IFT122: variants seen among roughly 807,000 people sequenced by gnomAD.
IFT122 encodes intraflagellar transport 122.
IFT122 carries 118 observed loss-of-function variants against 161.6 expected under a neutral mutation model. The ratio of observed to expected loss-of-function variants is 0.73; its 90% CI spans 0.63 to 0.85. IFT122 has a LOEUF of 0.85. Among genes scored for constraint, IFT122 ranks in the 40% least tolerant of loss-of-function variants. IFT122 has a pLI of 0.00. For missense variants in IFT122, 1,381 were observed against 1,579.6 expected, an observed-to-expected ratio of 0.87 and a Z score of 2.13; for synonymous variants, 550 against 602.4, an observed-to-expected ratio of 0.91 and a Z score of 1.27.
rs1361221483 is a variant in IFT122, at chr3:129,519,104, C to T, written c.3392-3C>T. On this transcript the variant is annotated splice_region_variant and splice_polypyrimidine_tract_variant and intron_variant, in intron 27 of 29. Coordinates refer to ENST00000348417, the MANE Select transcript of IFT122 (RefSeq NM_052989.3). ...GATTCCATCCTTGACCAGATCCCTC[C>T]AGGCTCCCAGATTCTGCGGCTAGTG... 6.2e-7 allele frequency: 1 copy of T among 1,613,694 alleles called. No homozygotes were observed. Among genetic ancestry groups the T allele is most frequent in the Middle Eastern group, 1.7e-4 (1 of 6,060 alleles).
At chr3:129,513,204 T>C (rs1224537417) in intron 24 of IFT122, 1 of 152,368 alleles carries the variant, frequency 6.6e-6, no homozygotes. Flanking sequence ...GAAGGGCCTG[T>C]GCAGCCAGAT....
At position 129,444,831 on chromosome 3, in the gene IFT122, C is replaced by T. The variant is rs554439910; in HGVS notation, c.41+4460C>T. Reference sequence around the variant, plus strand: ...CACCATGTCTGGCCAAGTTTACACTCTTTAACAATTCTTAAATATTGAATA... The same window carrying T: ...CACCATGTCTGGCCAAGTTTACACTTTTTAACAATTCTTAAATATTGAATA... On this transcript the variant is annotated intron_variant, in intron 1 of 29. Transcript: ENST00000348417. Among the ~76,000 whole-genome samples, 23 of 152,312 alleles carry T rather than the reference C, an allele frequency of 1.5e-4. No homozygotes were observed. In the East Asian group the frequency reaches 4.4e-3, roughly 29 times the overall value.
chr3:129,460,267 C>T (rs2076079064), intron 4 of IFT122, among the ~76,000 whole-genome samples: 2 of 152,162 alleles, frequency 1.3e-5, no homozygotes, highest in South Asian at 4.1e-4. Context: ...TTCTGTCTCT[C>T]TGAGTTTGAC....
At chr3:129,448,728 G>A (rs1323064788) in intron 1 of IFT122, among the ~76,000 whole-genome samples, 3 of 150,422 alleles carry the variant, frequency 2.0e-5, no homozygotes, top group Non-Finnish European at 4.4e-5. Flanking sequence ...GTCTTCCTCC[G>A]TCGCCCAGAC....
rs1578129875 is a variant in IFT122, at chr3:129,512,366, C to T, written c.2941C>T (p.Leu981=). Residue 981 remains leucine (L), a synonymous_variant, in exon 24 of 30, where the codon CTG becomes TTG. Transcript: ENST00000348417. The part of the protein sequence containing the change: ...PETLFNISRF[L]LHSLPKDTPS... ...AACTCTTTTCAACATCTCCAGGTTC[C>T]TGCTGCACAGCCTGCCCAAGGACAC... The T allele has an allele frequency of 2.5e-6, 4 of 1,614,046 alleles. No individual in the cohort carries two copies. The highest frequency in any genetic ancestry group is 1.7e-5 in the Admixed American group (1 of 60,010).
At chr3:129,463,726 T>A (rs958600908) in intron 6 of IFT122, 100 bp downstream of exon 6, 3 of 960,710 alleles carry the variant, frequency 3.1e-6, no homozygotes, top group Non-Finnish European at 5.0e-6. Context: ...TTGTGTTAGG[T>A]AGTTGGTTTA....
intron 26 of IFT122, among the ~76,000 whole-genome samples, chr3:129,516,255 G>C (rs1422549592): frequency 1.1e-5 from 1 of 95,106 alleles, no homozygotes; most frequent in Non-Finnish European, 2.0e-5. Context: ...TGCACACACA[G>C]ACTGCCCCTA....
At chr3:129,440,465 T>C in intron 1 of IFT122, 94 bp downstream of exon 1, 2 of 1,440,390 alleles carry the variant, frequency 1.4e-6, no homozygotes, top group African/African-American at 1.4e-5. Context: ...GCAGCGGGCT[T>C]GCTGCCTGGG....
chr3:129,458,774 C>A, intron 4 of IFT122, 97 bp downstream of exon 4: 1 of 914,156 alleles, frequency 1.1e-6, no homozygotes. Context: ...ACTTTTTTCT[C>A]TTAAATTGAA....
rs1559972784 is a variant in IFT122 at position 129,500,066 on chromosome 3, C to G, written c.2373C>G (p.Asp791Glu). Residue 791 changes from aspartate (D) to glutamate (E), a missense_variant and splice_region_variant, in exon 19 of 30, where the codon GAC becomes GAG. This residue lies in a region of IFT122 where 496 missense variants were observed against 502.5 expected (regional missense o/e 0.99). Coordinates refer to ENST00000348417, the MANE Select transcript of IFT122 (RefSeq NM_052989.3). The part of the protein sequence containing the change: ...IEICGDHGWV[D>E]MLIDIARKLD... Reference sequence around the variant, plus strand: ...TCTGTGGTGACCATGGCTGGGTTGACATGTAGGTTTTGGTCCCTGCCCCGA... The same window carrying G: ...TCTGTGGTGACCATGGCTGGGTTGAGATGTAGGTTTTGGTCCCTGCCCCGA... The G allele has an allele frequency of 6.2e-7, 1 of 1,614,148 alleles. No individual in the cohort carries two copies. The highest frequency in any genetic ancestry group is 8.5e-7 in the Non-Finnish European group (1 of 1,180,026).
rs79187669 is a variant in IFT122, at chr3:129,476,680, C to T, written c.1026C>T (p.Asp342=). Residue 342 remains aspartate, a synonymous_variant, in exon 11 of 30, where the codon GAC becomes GAT. Coordinates refer to ENST00000348417, the MANE Select transcript of IFT122 (RefSeq NM_052989.3). ...CCCCGCAGGTGGTCGGCTGCCAGGA[C>T]GGCACCATTTCCTTCTACCAGCTTA... The part of the protein sequence containing the change: ...DSNYVVVGCQ[D]GTISFYQLIF... The T allele has an allele frequency of 7.6e-4, 1,220 of 1,614,210 alleles. 4 individuals are homozygous for T. In the East Asian group the frequency reaches 7.9e-3, roughly 10 times the overall value.
At position 129,517,521 on chromosome 3, in the gene IFT122, A is replaced by G; in HGVS notation, c.3318A>G (p.Glu1106=). The G allele has an allele frequency of 4.3e-6, 7 of 1,614,024 alleles. No individual in the cohort carries two copies. The highest frequency in any genetic ancestry group is 1.3e-5 in the African/African-American group (1 of 75,046). The change falls in exon 27 of 30, where the codon GAA becomes GAG. Residue 1106 remains glutamate, a synonymous_variant. Coordinates refer to ENST00000348417, the MANE Select transcript of IFT122 (RefSeq NM_052989.3). ...FYLEEGITDE[E]AISLIDLEVL... Reference sequence around the variant, plus strand: ...TGGAGGAAGGGATCACTGATGAAGAAGCCATCTCCCTCATCGACCTGGAGG... The same window carrying G: ...TGGAGGAAGGGATCACTGATGAAGAGGCCATCTCCCTCATCGACCTGGAGG...
chr3:129,475,122 G>A (rs1308608906), intron 9 of IFT122, among the ~76,000 whole-genome samples: 2 of 152,188 alleles, frequency 1.3e-5, no homozygotes, highest in Non-Finnish European at 2.9e-5. Flanking sequence ...TCATACGACT[G>A]CATTCCAGCC....
intron 23 of IFT122, among the ~76,000 whole-genome samples, chr3:129,508,672 C>T (rs1280742322): frequency 6.6e-6 from 1 of 152,180 alleles, no homozygotes; most frequent in Non-Finnish European, 1.5e-5. Context: ...GCATAAAAAT[C>T]CATACTTTGG....
Position 129,465,107 on chromosome 3 carries a change from GTA to G in IFT122, c.563+330_563+331del, listed in dbSNP as rs2076576805. Among the ~76,000 whole-genome samples, 4 of 133,694 alleles carry G rather than the reference GTA, an allele frequency of 3.0e-5. No homozygotes were observed. The South Asian group carries it at 7.4e-4, about 25-fold the overall frequency. 87.7% of individuals were successfully genotyped at this position (133,694 alleles called of 152,430 possible). On this transcript the variant is annotated intron_variant, in intron 7 of 29. Transcript: ENST00000348417. ...CATGCACACATGTGTACGTGTACAT[GTA>G]TATGAGTGTGTGTGTGTGTGTGTGT...
At chr3:129,486,422 C>T (rs2079289647) in intron 15 of IFT122, among the ~76,000 whole-genome samples, 1 of 152,228 alleles carries the variant, frequency 6.6e-6, no homozygotes, top group Non-Finnish European at 1.5e-5. Flanking sequence ...ATTATTATTT[C>T]TCCTTATTAC....
chr3:129,502,900 C>A lies in IFT122; in HGVS notation c.2547+18C>A. The A allele has an allele frequency of 1.9e-6, 3 of 1,605,942 alleles. No individual in the cohort carries two copies. Among genetic ancestry groups the A allele is most frequent in the Non-Finnish European group, 2.5e-6 (3 of 1,179,846 alleles). ...GGGATGAGGTGAGGGGAAAGCAGGC[C>A]TCATGGGCTGGGGCCCCACCTGAGC... On this transcript the variant is annotated intron_variant, in intron 20 of 29. Transcript: ENST00000348417.
intron 7 of IFT122, among the ~76,000 whole-genome samples, chr3:129,466,495 CTTTTTTTTT>C (rs527470540): frequency 9.8e-6 from 1 of 102,180 alleles, no homozygotes; most frequent in African/African-American, 3.7e-5. Flanking sequence ...TATTTTTATT[CTTTTTTTTT>C]TTTTTTTTTT....
At chr3:129,506,988 G>A (rs1054095850) in intron 22 of IFT122, among the ~76,000 whole-genome samples, 5 of 152,228 alleles carry the variant, frequency 3.3e-5, no homozygotes, top group African/African-American at 1.2e-4. Context: ...TGTACTGAAG[G>A]AGTAGTGGAA....
Sources: gnomAD v4.1 joint callset for allele counts (sites outside exome capture counted in the v4.1 genomes callset) on GRCh38, gnomAD v4.1.1 for gene constraint, gnomAD v4.1.1 regional missense constraint, MANE v1.5 for transcripts, NCBI Gene and HGNC (gene_info 2026-07-23, HGNC 2026-07-21) for gene names.